The following ROBO3 variants were observed in gnomAD, a reference collection of about 807,000 sequenced individuals.
The protein encoded by ROBO3 is roundabout guidance receptor 3.
Under a neutral mutation model 160.5 loss-of-function variants are expected in ROBO3, and 97 were observed. The ratio of observed to expected loss-of-function variants is 0.60; its 90% CI spans 0.51 to 0.72. ROBO3 has a LOEUF of 0.72. Ranked by LOEUF, ROBO3 falls within the 30% of genes least tolerant of loss-of-function variation. The probability of loss-of-function intolerance (pLI) is 0.00; values close to 1 mark genes in which losing one functional copy is unlikely to be tolerated. For synonymous variants in ROBO3, 780 were observed against 746.2 expected, an observed-to-expected ratio of 1.05 and a Z score of -0.74; for missense variants, 1,858 against 1,846.5, an observed-to-expected ratio of 1.01 and a Z score of -0.11.
chr11:124,875,845 A>T, intron 15 of ROBO3, 109 bp from the exon 16 acceptor site: 1 of 1,455,356 alleles, frequency 6.9e-7, no homozygotes, highest in South Asian at 1.2e-5. Flanking sequence ...TGTTGTTTCC[A>T]GGTTGAATTA....
chr11:124,868,457 G>A, intron 1 of ROBO3: 2 of 584,072 alleles, frequency 3.4e-6, no homozygotes, highest in Non-Finnish European at 6.1e-6. Flanking sequence ...GGAGGCGAGG[G>A]AGCGGTCTAC....
chr11:124,880,429 C>A lies in ROBO3; in HGVS notation c.3970C>A (p.Leu1324Ile), dbSNP rs1374568770. 5 of 1,613,242 alleles carry A rather than the reference C, an allele frequency of 3.1e-6. No individual in the cohort carries two copies. The highest frequency in any genetic ancestry group is 4.2e-6 in the Non-Finnish European group (5 of 1,179,614). Reference sequence around the variant, plus strand: ...CTCTTGTGCTGCAGAAGAGGCCTGGCTCCCATACAGCAGACCAAGCTTCCT... The same window carrying A: ...CTCTTGTGCTGCAGAAGAGGCCTGGATCCCATACAGCAGACCAAGCTTCCT... The part of the protein sequence containing the change: ...RVLHPDEEAW[L>I]PYSRPSFLSR... Residue 1324 changes from leucine to isoleucine, a missense_variant, in exon 27 of 28, where the codon CTC (leucine) becomes ATC (isoleucine). Physicochemically the swap from Leu to Ile is conservative, Grantham distance 5 (BLOSUM62 2). Coordinates refer to ENST00000397801, the MANE Select transcript of ROBO3 (RefSeq NM_022370.4).
Position 124,873,037 on chromosome 11 carries a change from A to G in ROBO3, c.1484A>G (p.Asp495Gly). ...GATGGGCAGTGGCTGCAGGGGGATG[A>G]CCTCCAGTTCAAGACAATGGCCAAC... ...KKDGQWLQGDDLQFKTMANGT... is the reference protein window; with the variant it reads ...KKDGQWLQGDGLQFKTMANGT... The change falls in exon 9 of 28, where the codon GAC becomes GGC. Residue 495 changes from aspartate to glycine, a missense_variant. Coordinates refer to ENST00000397801, the MANE Select transcript of ROBO3 (RefSeq NM_022370.4). The surrounding 1 kb of genome is among the most constrained non-coding windows in gnomAD (Gnocchi z 4.5). 1 of 1,613,830 alleles carries G rather than the reference A, an allele frequency of 6.2e-7. No individual in the cohort carries two copies. The highest frequency in any genetic ancestry group is 8.5e-7 in the Non-Finnish European group (1 of 1,179,844).
chr11:124,880,057 G>A, intron 26 of ROBO3, 109 bp downstream of exon 26: 1 of 1,124,312 alleles, frequency 8.9e-7, no homozygotes, highest in Non-Finnish European at 1.2e-6. Context: ...TTAGGTTCAT[G>A]CATTTGATCC....
rs761034795 is a variant in ROBO3 at position 124,878,303 on chromosome 11, A to G, written c.3187A>G (p.Lys1063Glu). The G allele has an allele frequency of 7.4e-6, 12 of 1,613,162 alleles. No homozygotes were observed. The highest frequency in any genetic ancestry group is 5.1e-6 in the Non-Finnish European group (6 of 1,179,586). Residue 1063 changes from lysine (K) to glutamate (E), a missense_variant, in exon 22 of 28, where the codon AAG (lysine) becomes GAG (glutamate). Physicochemically the swap from Lys to Glu is moderately conservative, Grantham distance 56. Coordinates refer to ENST00000397801, the MANE Select transcript of ROBO3 (RefSeq NM_022370.4). This position sits in a 1 kb window ranked among gnomAD's most constrained non-coding sequence, Gnocchi z 4.3. ...CCCCATCCTATTCTCCTCAGGAGCC[A>G]AGGGAGGCAAAGTGAAGCTTCTGGG... ...PEWSQGDSGA[K>E]GGKVKLLGKP...
At position 124,876,996 on chromosome 11, in the gene ROBO3, C is replaced by A; in HGVS notation, c.2780-165C>A. ...TCACTTGAGGGGCTTGAGAAAAATA[C>A]CGACACCTGAGTCCCACCCCCGAGA... On this transcript the variant is annotated intron_variant, in intron 17 of 27. Coordinates refer to ENST00000397801, the MANE Select transcript of ROBO3 (RefSeq NM_022370.4). This position sits in a 1 kb window ranked among gnomAD's most constrained non-coding sequence, Gnocchi z 5.3. The A allele has an allele frequency of 1.3e-6, 1 of 786,436 alleles. No individual in the cohort carries two copies. The highest frequency in any genetic ancestry group is 2.2e-6 in the Non-Finnish European group (1 of 450,868). The allele number at this position is 786,436 out of a possible 1,614,324, so 48.7% of individuals were successfully genotyped here.
At chr11:124,877,838 G>T in intron 20 of ROBO3, 99 bp from the exon 21 acceptor site, 1 of 1,167,954 alleles carries the variant, frequency 8.6e-7, no homozygotes, top group South Asian at 1.4e-5. Flanking sequence ...GCTTGTGTGG[G>T]GGAAGAAGTT....
chr11:124,873,390 G>A lies in ROBO3; in HGVS notation c.1617G>A (p.Arg539=), dbSNP rs199609085. The change falls in exon 10 of 28, where the codon CGG becomes CGA. Residue 539 remains arginine, a splice_region_variant and synonymous_variant. Transcript: ENST00000397801. The surrounding 1 kb of genome is among the most constrained non-coding windows in gnomAD (Gnocchi z 4.5). ...CATGGAGCGGCTGGCTTAAGATGCG[G>A]GGTGAGTTTTTTCTTTCTTCCCTTA... ...EATWSGWLKM[R]EDWGVSPDPP... is the part of the protein sequence containing the mutation. 2.3e-5 allele frequency: 37 copies of A among 1,610,644 alleles called. No individual in the cohort carries two copies. Among genetic ancestry groups the A allele is most frequent in the Non-Finnish European group, 3.1e-5 (36 of 1,178,644 alleles).
At chr11:124,871,914 A>C (rs1946283804) in intron 7 of ROBO3, among the ~76,000 whole-genome samples, 1 of 152,218 alleles carries the variant, frequency 6.6e-6, no homozygotes, top group Non-Finnish European at 1.5e-5. Flanking sequence ...CCAGGGTCTC[A>C]GCATGGTGCC....
At position 124,878,785 on chromosome 11, in the gene ROBO3, T is replaced by G. The variant is rs1020086846; in HGVS notation, c.3522T>G (p.His1174Gln). 2 of 1,612,426 alleles carry G rather than the reference T, an allele frequency of 1.2e-6. No individual in the cohort carries two copies. The highest frequency in any genetic ancestry group is 8.5e-7 in the Non-Finnish European group (1 of 1,179,392). Residue 1174 changes from histidine to glutamine, a missense_variant, in exon 23 of 28, where the codon CAT becomes CAG. His to Gln is a conservative substitution (Grantham distance 24, BLOSUM62 0). Coordinates refer to ENST00000397801, the MANE Select transcript of ROBO3 (RefSeq NM_022370.4). The surrounding 1 kb of genome is among the most constrained non-coding windows in gnomAD (Gnocchi z 4.3). ...CCCCAACTGACATGCCCCATCTCCA[T>G]CAGATGCCCAGGTAGGGAGGTATAT... The part of the protein sequence containing the change: ...PQPPTDMPHL[H>Q]QMPRRVPLGP...
chr11:124,877,400 G>T (rs1946413609), intron 19 of ROBO3, 91 bp downstream of exon 19: 2 of 1,584,380 alleles, frequency 1.3e-6, no homozygotes, highest in African/African-American at 2.7e-5. Context: ...AGGGAGCATG[G>T]CCACCTCCCA....
intron 12 of ROBO3, 122 bp downstream of exon 12, chr11:124,874,358 T>A (rs1475180991): frequency 1.1e-6 from 1 of 901,036 alleles, no homozygotes; most frequent in Non-Finnish European, 1.6e-6. Context: ...AGGTCTATAC[T>A]GGTGGCCCGG....
At chr11:124,870,390 C>T in intron 5 of ROBO3, 87 bp downstream of exon 5, 1 of 1,514,238 alleles carries the variant, frequency 6.6e-7, no homozygotes, top group South Asian at 1.3e-5. Flanking sequence ...GGCACATTCT[C>T]ACTTGAGAAC....
chr11:124,877,308 A>G lies in ROBO3; in HGVS notation c.2845A>G (p.Arg949Gly). The change falls in exon 19 of 28, where the codon AGG (arginine) becomes GGG (glycine). Residue 949 changes from arginine to glycine, a missense_variant and splice_region_variant. By Grantham distance (125) the Arg-to-Gly change is moderately radical. Coordinates refer to ENST00000397801, the MANE Select transcript of ROBO3 (RefSeq NM_022370.4). ...HSEGLSGASS[R>G]PPMGLGPAPY... ...AGAGGGCCTCTCTGGAGCCAGTTCC[A>G]GGTAATTCTCTTAGCCCATTTCCTC... is the stretch of plus-strand genomic sequence containing the variant. 3 of 1,613,828 alleles carry G rather than the reference A, an allele frequency of 1.9e-6. No homozygotes were observed. Among genetic ancestry groups the G allele is most frequent in the East Asian group, 4.5e-5 (2 of 44,866 alleles).
At chr11:124,866,048 G>A (rs79415306) in intron 1 of ROBO3, among the ~76,000 whole-genome samples, 3,039 of 152,252 alleles carry the variant, frequency 0.02, 98 homozygotes, top group African/African-American at 0.071. Flanking sequence ...TCCGAGCTAA[G>A]AAAGGCCCGG....
chr11:124,875,351 C>T lies in ROBO3; in HGVS notation c.2299+15C>T, dbSNP rs550518165. On this transcript the variant is annotated intron_variant, in intron 14 of 27. Transcript: ENST00000397801. The stretch of plus-strand genomic sequence containing the variant: ...TCCTGAGGAGGGTAAGGAGGGCCAC[C>T]GAACAGATGGATGGACAAGAGGGAA... 7 of 1,558,922 alleles carry T rather than the reference C, an allele frequency of 4.5e-6. No individual in the cohort carries two copies. The highest frequency in any genetic ancestry group is 3.0e-5 in the African/African-American group (2 of 67,434).
Position 124,876,167 on chromosome 11 carries a change from C to G in ROBO3, c.2593+42C>G, listed in dbSNP as rs750579769. ...GCAGTGCTGAGGATCTTGACGGGGG[C>G]GGGGCAAGCCCCCCACTGGGGTAGC... On this transcript the variant is annotated intron_variant, in intron 16 of 27. Transcript: ENST00000397801. This position sits in a 1 kb window ranked among gnomAD's most constrained non-coding sequence, Gnocchi z 5.3. 2 of 1,556,600 alleles carry G rather than the reference C, an allele frequency of 1.3e-6. No individual in the cohort carries two copies. The highest frequency in any genetic ancestry group is 2.7e-5 in the African/African-American group (2 of 73,926).
chr11:124,870,898 A>G, intron 6 of ROBO3, 116 bp from the exon 7 acceptor site: 1 of 1,523,572 alleles, frequency 6.6e-7, no homozygotes, highest in Non-Finnish European at 9.0e-7. Context: ...GGAGGAAGAG[A>G]TGGATATCTG....
rs773190312 is a variant in ROBO3, at chr11:124,875,267, G to A, written c.2230G>A (p.Val744Met). 7.4e-6 allele frequency: 12 copies of A among 1,613,556 alleles called. No homozygotes were observed. In the South Asian group the frequency reaches 9.9e-5, roughly 13 times the overall value. The stretch of plus-strand genomic sequence containing the variant: ...TCCAGGGACCCAAATCCAGATCAAG[G>A]TGCAAGCCCAAGGCCAGGAGGGGCT... Reference protein sequence around the residue: ...LPPGTQIQIKVQAQGQEGLGA... With the variant: ...LPPGTQIQIKMQAQGQEGLGA... Residue 744 changes from valine (V) to methionine (M), a missense_variant, in exon 14 of 28, where the codon GTG (valine) becomes ATG (methionine). Transcript: ENST00000397801.
Sources: gnomAD v4.1 joint callset for allele counts (sites outside exome capture counted in the v4.1 genomes callset) on GRCh38, gnomAD v4.1.1 for gene constraint, Gnocchi (gnomAD v3.1) non-coding constraint, MANE v1.5 for transcripts, NCBI Gene and HGNC (gene_info 2026-07-23, HGNC 2026-07-21) for gene names.